Variants in TAB1 observed in about 807,000 individuals in gnomAD.
The protein encoded by TAB1 is TGF-beta activated kinase 1 (MAP3K7) binding protein 1.
A neutral mutation model predicts 54.5 loss-of-function variants in TAB1; 30 were observed. That is an observed-to-expected ratio of 0.55 (90% CI 0.41 to 0.75). The LOEUF (loss-of-function observed/expected upper bound fraction) is 0.75. Ranked by LOEUF, TAB1 falls within the 30% of genes least tolerant of loss-of-function variation. The pLI is 0.00. For missense variants in TAB1, 609 were observed against 683.2 expected (o/e 0.89, Z 1.21); for synonymous variants, 289 against 286.9 (o/e 1.01, Z -0.07).
In TAB1 at chr22:39,430,285, C is replaced by A. The variant is rs1927530444; in HGVS notation, c.*63C>A. On this transcript the variant is annotated 3_prime_UTR_variant, in exon 11 of 11. Coordinates refer to ENST00000216160, the MANE Select transcript of TAB1 (RefSeq NM_006116.3). ...GGGGCAGGACAGGGTCCAGCCTTTT[C>A]CTAACATCTGCCTGTGCCACAACGG... The A allele has an allele frequency of 1.3e-6, 2 of 1,592,486 alleles. No homozygotes were observed. The highest frequency in any genetic ancestry group is 3.3e-5 in the Admixed American group (2 of 59,778).
downstream of TAB1, chr22:39,436,538 A>T (rs768391725): frequency 1.9e-6 from 3 of 1,614,124 alleles, no homozygotes; most frequent in African/African-American, 2.7e-5. Flanking sequence ...CTCAGTGCCA[A>T]CTAAACCTCC....
chr22:39,434,150 C>T (rs1404483184), downstream of TAB1, among the ~76,000 whole-genome samples: 1 of 152,244 alleles, frequency 6.6e-6, no homozygotes, highest in Non-Finnish European at 1.5e-5. Flanking sequence ...GATTGCTGAA[C>T]ACATCGAGTG....
At chr22:39,419,689 A>G in intron 7 of TAB1, 59 bp downstream of exon 7, 2 of 1,233,582 alleles carry the variant, frequency 1.6e-6, no homozygotes, top group Non-Finnish European at 2.3e-6. Flanking sequence ...TAGGGAGGCC[A>G]AGATGGGAGG....
In TAB1 at chr22:39,415,363, C is replaced by G; in HGVS notation, c.171-137C>G. The G allele has an allele frequency of 8.6e-7, 1 of 1,166,246 alleles. No individual in the cohort carries two copies. Among genetic ancestry groups the G allele is most frequent in the Non-Finnish European group, 1.2e-6 (1 of 825,116 alleles). 72.2% of individuals were successfully genotyped at this position (1,166,246 alleles called of 1,614,324 possible). On this transcript the variant is annotated intron_variant, in intron 2 of 10. Coordinates refer to ENST00000216160, the MANE Select transcript of TAB1 (RefSeq NM_006116.3). The surrounding 1 kb of genome is among the most constrained non-coding windows in gnomAD (Gnocchi z 4.9). The stretch of plus-strand genomic sequence containing the variant: ...TGTCATAGCCAGAGTGAAATGATGG[C>G]TAAAGCAGGGGGACCCAGGAGGGCC...
chr22:39,429,156 G>A (rs1383092675), intron 10 of TAB1: 2 of 985,326 alleles, frequency 2.0e-6, no homozygotes, highest in African/African-American at 1.7e-5. Context: ...GTCCCACCAT[G>A]GGCTGGCCCT....
At chr22:39,435,040 G>A (rs1213546294), downstream of TAB1, among the ~76,000 whole-genome samples, 1 of 152,028 alleles carries the variant, frequency 6.6e-6, no homozygotes, top group East Asian at 1.9e-4. Context: ...CTAAGAACAT[G>A]AGTGGACAAA....
Position 39,430,056 on chromosome 22 carries a change from C to T in TAB1, c.1349C>T (p.Thr450Met). 2.5e-6 allele frequency: 4 copies of T among 1,614,042 alleles called. No homozygotes were observed. The highest frequency in any genetic ancestry group is 3.4e-6 in the Non-Finnish European group (4 of 1,180,040). Reference sequence around the variant, plus strand: ...ACCCTGCAGTCCACCAACACGCACACGCAGAGCAGCAGCTCCAGCTCTGAC... The same window carrying T: ...ACCCTGCAGTCCACCAACACGCACATGCAGAGCAGCAGCTCCAGCTCTGAC... ...TLTLQSTNTHTQSSSSSSDGG... is the reference protein window; with the variant it reads ...TLTLQSTNTHMQSSSSSSDGG... Residue 450 changes from threonine (T) to methionine (M), a missense_variant, in exon 11 of 11, where the codon ACG (threonine) becomes ATG (methionine). Coordinates refer to ENST00000216160, the MANE Select transcript of TAB1 (RefSeq NM_006116.3).
intron 1 of TAB1, among the ~76,000 whole-genome samples, chr22:39,401,751 G>A (rs1024277090): frequency 2.0e-5 from 3 of 152,162 alleles, no homozygotes; most frequent in African/African-American, 7.2e-5. Flanking sequence ...GGGATGGCAG[G>A]GATGTCATCA....
At chr22:39,420,927 T>TGTGTGTG (rs1927057528) in intron 7 of TAB1, among the ~76,000 whole-genome samples, 1 of 142,778 alleles carries the variant, frequency 7.0e-6, no homozygotes, top group African/African-American at 2.6e-5. Flanking sequence ...TGTGTGTGTG[T>TGTGTGTG]TTGTCCTGGG....
Position 39,417,861 on chromosome 22 carries a change from C to T in TAB1, c.550+12C>T, listed in dbSNP as rs1445574509. ...CGTCGCCAATGTCGGTGAGCCCCCT[C>T]CTGTCCCAGGGCAGGGAGGACTGGG... On this transcript the variant is annotated intron_variant, in intron 5 of 10. Coordinates refer to ENST00000216160, the MANE Select transcript of TAB1 (RefSeq NM_006116.3). 1.3e-6 allele frequency: 2 copies of T among 1,597,272 alleles called. No individual in the cohort carries two copies. Among genetic ancestry groups the T allele is most frequent in the East Asian group, 2.3e-5 (1 of 44,236 alleles).
At chr22:39,423,767 T>C (rs1927195416) in intron 8 of TAB1, among the ~76,000 whole-genome samples, 1 of 152,158 alleles carries the variant, frequency 6.6e-6, no homozygotes, top group African/African-American at 2.4e-5. Flanking sequence ...GTAGTGTACA[T>C]TGTAAGTAAT....
intron 8 of TAB1, 152 bp downstream of exon 8, chr22:39,422,123 A>AAC: frequency 7.4e-6 from 6 of 805,782 alleles, no homozygotes. Flanking sequence ...CAGAGCTCTG[A>AAC]AAACACCCAT....
chr22:39,417,464 C>G (rs985134211), intron 4 of TAB1, among the ~76,000 whole-genome samples: 2 of 152,020 alleles, frequency 1.3e-5, no homozygotes, highest in African/African-American at 2.4e-5. Flanking sequence ...ACTAAAAATA[C>G]AAAAAATTAG....
chr22:39,406,185 G>C (rs1479469567), intron 1 of TAB1, among the ~76,000 whole-genome samples: 1 of 152,236 alleles, frequency 6.6e-6, no homozygotes, highest in Admixed American at 6.5e-5. Flanking sequence ...GGATCACAAG[G>C]TCAGGAGTTC....
At position 39,431,287 on chromosome 22, in the gene TAB1, G is replaced by C. The variant is rs1927573952; in HGVS notation, c.*1065G>C. ...TTCCCACATGTTCTCTGCCTTCAGTGGGGAGGGGGTGCCACCAGGGCTGTC... is the reference window on the plus strand; with the variant it reads ...TTCCCACATGTTCTCTGCCTTCAGTCGGGAGGGGGTGCCACCAGGGCTGTC... On this transcript the variant is annotated 3_prime_UTR_variant, in exon 11 of 11. Transcript: ENST00000216160. The C allele has an allele frequency of 2.0e-6, 2 of 985,660 alleles. No individual in the cohort carries two copies. Among genetic ancestry groups the C allele is most frequent in the African/African-American group, 1.7e-5 (1 of 57,342 alleles). The allele number at this position is 985,660 out of a possible 1,614,324, so 61.1% of individuals were successfully genotyped here.
At chr22:39,436,544 C>A, downstream of TAB1, 6 of 1,614,152 alleles carry the variant, frequency 3.7e-6, no homozygotes, top group Non-Finnish European at 5.1e-6. Context: ...GCCAACTAAA[C>A]CTCCTGGGCA....
chr22:39,416,757 G>T (rs770872506), intron 3 of TAB1, 34 bp from the exon 4 acceptor site: 1 of 1,606,592 alleles, frequency 6.2e-7, no homozygotes, highest in Admixed American at 1.7e-5. Context: ...GTGGTGTTTT[G>T]AACCAGCCTT....
chr22:39,425,994 A>T (rs969806072), intron 8 of TAB1, among the ~76,000 whole-genome samples: 5 of 148,518 alleles, frequency 3.4e-5, no homozygotes, highest in South Asian at 2.1e-4. Context: ...AGTTGCTGGG[A>T]TTACAGGCAT....
intron 8 of TAB1, among the ~76,000 whole-genome samples, chr22:39,425,552 T>C (rs142400650): frequency 6.6e-6 from 1 of 152,094 alleles, no homozygotes; most frequent in East Asian, 1.9e-4. Flanking sequence ...TAAATGCTTT[T>C]TCTTTTCTTT....
Sources: allele counts gnomAD v4.1 joint callset (sites outside exome capture counted in the v4.1 genomes callset), GRCh38; gene constraint gnomAD v4.1.1; non-coding constraint Gnocchi (gnomAD v3.1); transcripts MANE v1.5; gene names NCBI Gene and HGNC (gene_info 2026-07-23, HGNC 2026-07-21).